SLCO4C1: variants seen among roughly 807,000 people sequenced by gnomAD.
SLCO4C1 encodes organic anion transporter M1.
Under a neutral mutation model 72.1 loss-of-function variants are expected in SLCO4C1, and 58 were observed. The ratio of observed to expected loss-of-function variants is 0.80; its 90% CI spans 0.65 to 1.00. SLCO4C1 has a LOEUF of 1.00. Among genes scored for constraint, SLCO4C1 ranks in the 50% least tolerant of loss-of-function variants. The pLI is 0.00. For missense variants in SLCO4C1, 898 were observed against 857.9 expected (o/e 1.05, Z -0.58); for synonymous variants, 297 against 312.5 (o/e 0.95, Z 0.52).
intron 8 of SLCO4C1, among the ~76,000 whole-genome samples, chr5:102,255,920 GC>G (rs375763990): frequency 2.2e-3 from 330 of 152,192 alleles, no homozygotes; most frequent in African/African-American, 7.5e-3. Context: ...ATGTAATGGA[GC>G]TTGGCCGGGC....
chr5:102,255,269 A>G (rs144759100), intron 8 of SLCO4C1, among the ~76,000 whole-genome samples: 2 of 152,282 alleles, frequency 1.3e-5, no homozygotes, highest in African/African-American at 4.8e-5. Context: ...CCCATCACAC[A>G]TGCCTTCCTT....
intron 3 of SLCO4C1, among the ~76,000 whole-genome samples, chr5:102,266,989 T>C (rs745496767): frequency 2.6e-5 from 4 of 152,154 alleles, no homozygotes; most frequent in African/African-American, 4.8e-5. Flanking sequence ...CACTTGAACA[T>C]GGTGTATTAT....
rs796553230 is a variant in SLCO4C1, at chr5:102,290,266, G to T, written c.619+1077C>A. 3.9e-5 allele frequency among the ~76,000 whole-genome samples: 6 copies of T among 152,288 alleles called. 1 individual carries two copies. Among genetic ancestry groups the T allele is most frequent in the African/African-American group, 1.4e-4 (6 of 41,556 alleles). ...GAGTCTCACTATATTGCCCAGGCTGGTCTCTAACTCCTGAGCTCAAGGGAT... is the reference window on the plus strand; with the variant it reads ...GAGTCTCACTATATTGCCCAGGCTGTTCTCTAACTCCTGAGCTCAAGGGAT... On this transcript the variant is annotated intron_variant, in intron 2 of 12. Transcript: ENST00000310954.
chr5:102,270,951 A>G (rs1749141541), intron 2 of SLCO4C1, 145 bp from the exon 3 acceptor site: 1 of 725,936 alleles, frequency 1.4e-6, no homozygotes, highest in Non-Finnish European at 2.1e-6. Flanking sequence ...TTAAAAATAC[A>G]TCAAAAGAAA....
chr5:102,292,152 T>G (rs1749569590), intron 1 of SLCO4C1, among the ~76,000 whole-genome samples: 1 of 152,216 alleles, frequency 6.6e-6, no homozygotes, highest in Admixed American at 6.5e-5. Flanking sequence ...TGTACACTTG[T>G]GAATTTTCAG....
intron 2 of SLCO4C1, among the ~76,000 whole-genome samples, chr5:102,290,666 T>C (rs1046662247): frequency 1.3e-5 from 2 of 152,220 alleles, no homozygotes; most frequent in African/African-American, 4.8e-5. Context: ...TCTAATTATT[T>C]CAATATTTGC....
At chr5:102,286,181 A>G (rs541492902) in intron 2 of SLCO4C1, among the ~76,000 whole-genome samples, 1 of 152,250 alleles carries the variant, frequency 6.6e-6, no homozygotes, top group South Asian at 2.1e-4. Flanking sequence ...GCTAATGTGA[A>G]TTTTTATCAT....
intron 2 of SLCO4C1, among the ~76,000 whole-genome samples, chr5:102,273,075 T>C (rs116123060): frequency 0.024 from 3,664 of 151,902 alleles, 100 homozygotes; most frequent in African/African-American, 0.072. Flanking sequence ...CTATCAGAAA[T>C]GGAGGTCACC....
At position 102,278,758 on chromosome 5, in the gene SLCO4C1, G is replaced by A. The variant is rs75097875; in HGVS notation, c.620-7952C>T. 4.9e-3 allele frequency among the ~76,000 whole-genome samples: 750 copies of A among 151,636 alleles called. 3 individuals are homozygous for A. Among genetic ancestry groups the A allele is most frequent in the African/African-American group, 0.017 (711 of 41,378 alleles). On this transcript the variant is annotated intron_variant, in intron 2 of 12. Transcript: ENST00000310954. ...TTTCAAATAATCTATGGGTCAAAAA[G>A]GAAGTCTCTAAGGAAATAAAAAAAT...
At chr5:102,264,624 G>A (rs1749001186) in intron 3 of SLCO4C1, among the ~76,000 whole-genome samples, 1 of 150,300 alleles carries the variant, frequency 6.7e-6, no homozygotes, top group African/African-American at 2.5e-5. Flanking sequence ...TGTTTATGTT[G>A]GGAACATTCA....
At chr5:102,251,633 C>T (rs1748741389) in intron 8 of SLCO4C1, among the ~76,000 whole-genome samples, 2 of 152,014 alleles carry the variant, frequency 1.3e-5, no homozygotes, top group South Asian at 4.1e-4. Context: ...CTCCTAATAT[C>T]TAACCTGGTG....
At chr5:102,244,534 G>A (rs980745027) in intron 10 of SLCO4C1, among the ~76,000 whole-genome samples, 9 of 152,088 alleles carry the variant, frequency 5.9e-5, no homozygotes, top group East Asian at 3.9e-4. Flanking sequence ...ATCCAAGTAC[G>A]AGAAGGTTAT....
Position 102,239,276 on chromosome 5 carries a change from C to G in SLCO4C1, c.1989G>C (p.Lys663Asn), listed in dbSNP as rs747197924. The stretch of plus-strand genomic sequence containing the variant: ...TTATGGCTACTAGCATATGGGCCAT[C>G]TTGATGTTATCATAAATCCAGCAAG... ...KGACWIYDNIKMAHMLVAISV... is the reference protein window; with the variant it reads ...KGACWIYDNINMAHMLVAISV... The change falls in exon 12 of 13, where the codon AAG (lysine) becomes AAC (asparagine). Residue 663 changes from lysine to asparagine, a missense_variant. Transcript: ENST00000310954. The G allele has an allele frequency of 2.5e-6, 4 of 1,598,778 alleles. No homozygotes were observed. In the African/African-American group the frequency reaches 5.4e-5, roughly 22 times the overall value.
At position 102,249,727 on chromosome 5, in the gene SLCO4C1, A is replaced by G. The variant is rs753490578; in HGVS notation, c.1531T>C (p.Tyr511His). The change falls in exon 9 of 13, where the codon TAT becomes CAT. Residue 511 changes from tyrosine to histidine, a missense_variant. Physicochemically the swap from Tyr to His is moderately conservative, Grantham distance 83. Coordinates refer to ENST00000310954, the MANE Select transcript of SLCO4C1 (RefSeq NM_180991.5). Reference sequence around the variant, plus strand: ...CCATCTCCACAGACAGGATAATAATATGATCGCGAACAGTTACAATTGGCA... The same window carrying G: ...CCATCTCCACAGACAGGATAATAATGTGATCGCGAACAGTTACAATTGGCA... ...CNANCNCSRS[Y>H]YYPVCGDGVQ... 1.2e-5 allele frequency: 19 copies of G among 1,613,880 alleles called. No homozygotes were observed. In the East Asian group the frequency reaches 3.1e-4, roughly 27 times the overall value.
At chr5:102,258,284 A>G (rs1397494689) in intron 6 of SLCO4C1, among the ~76,000 whole-genome samples, 197 bp from the exon 7 acceptor site, 1 of 152,184 alleles carries the variant, frequency 6.6e-6, no homozygotes, top group Admixed American at 6.5e-5. Context: ...TATGTGGAAA[A>G]CCTAGAAAAT....
At chr5:102,269,536 TA>T (rs1749109925) in intron 3 of SLCO4C1, among the ~76,000 whole-genome samples, 1 of 152,142 alleles carries the variant, frequency 6.6e-6, no homozygotes, top group Non-Finnish European at 1.5e-5. Flanking sequence ...TCTATTTGGT[TA>T]TTTTTAATGA....
chr5:102,266,642 T>C (rs3096213), intron 3 of SLCO4C1, among the ~76,000 whole-genome samples: 114,179 of 151,652 alleles, frequency 0.75, 43,040 homozygotes, highest in Middle Eastern at 0.84. Context: ...AAGAGCGAGA[T>C]TCCATCTCAA....
intron 9 of SLCO4C1, 49 bp downstream of exon 9, chr5:102,249,589 T>A: frequency 1.2e-6 from 2 of 1,601,126 alleles, no homozygotes; most frequent in Non-Finnish European, 1.7e-6. Context: ...GTCAAGATAA[T>A]CCACAAACAT....
intron 2 of SLCO4C1, among the ~76,000 whole-genome samples, chr5:102,278,620 C>A (rs1749293307): frequency 6.6e-6 from 1 of 152,176 alleles, no homozygotes; most frequent in South Asian, 2.1e-4. Context: ...TTTAAAAATT[C>A]AAATCCTACA....
Sources: allele counts gnomAD v4.1 joint callset (sites outside exome capture counted in the v4.1 genomes callset), GRCh38; gene constraint gnomAD v4.1.1; transcripts MANE v1.5; gene names NCBI Gene and HGNC (gene_info 2026-07-23, HGNC 2026-07-21).